Variants in RP1L1 observed in about 807,000 individuals in gnomAD.
RP1L1 encodes RP1 like 1.
RP1L1 carries 27 observed loss-of-function variants against 15.7 expected under a neutral mutation model. The observed-to-expected ratio is 1.72, with a 90% CI of 1.27 to 2.38. The LOEUF is 2.38. Ranked by LOEUF, RP1L1 falls within the 30% of genes most tolerant of loss-of-function variation. The probability of loss-of-function intolerance (pLI) is 0.00; values close to 1 mark genes in which losing one functional copy is unlikely to be tolerated. For synonymous variants in RP1L1, 1,813 were observed against 1,276.7 expected (o/e 1.42, Z -8.96); for missense variants, 4,798 against 3,075.9 (o/e 1.56, Z -13.24).
intron 3 of RP1L1, among the ~76,000 whole-genome samples, chr8:10,613,594 T>C (rs1423200015): frequency 5.4e-5 from 3 of 55,364 alleles, no homozygotes; most frequent in African/African-American, 2.2e-4. Flanking sequence ...TGAGACACCA[T>C]CTCTCCAAAA....
At position 10,610,154 on chromosome 8, in the gene RP1L1, A is replaced by G. The variant is rs759437518; in HGVS notation, c.3944T>C (p.Leu1315Pro). 4.3e-6 allele frequency: 7 copies of G among 1,612,104 alleles called. No individual in the cohort carries two copies. Among genetic ancestry groups the G allele is most frequent in the Non-Finnish European group, 5.1e-6 (6 of 1,179,026 alleles). The change falls in exon 4 of 4, where the codon CTG (leucine) becomes CCG (proline). Residue 1315 changes from leucine to proline, a missense_variant. By Grantham distance (98) the Leu-to-Pro change is moderately conservative (BLOSUM62 -3). Coordinates refer to ENST00000382483, the MANE Select transcript of RP1L1 (RefSeq NM_178857.6). ...CTCTAACTGCACCGCCTCTTCTTGC[A>G]GCCCTTCTCCTTCTGTTCCTTCTTT... ...ETKEGTEGEG[L>P]QEEAVQLEET...
At chr8:10,640,667 AATT>A (rs1214181502) in intron 1 of RP1L1, among the ~76,000 whole-genome samples, 3 of 150,274 alleles carry the variant, frequency 2.0e-5, no homozygotes, top group African/African-American at 4.9e-5. Flanking sequence ...TAATAATAAT[AATT>A]ATTATTATTA....
At position 10,609,555 on chromosome 8, in the gene RP1L1, C is replaced by T. The variant is rs767793400; in HGVS notation, c.4543G>A (p.Asp1515Asn). 2.7e-5 allele frequency: 44 copies of T among 1,603,968 alleles called. No homozygotes were observed. The highest frequency in any genetic ancestry group is 1.7e-4 in the Middle Eastern group (1 of 6,052). The stretch of plus-strand genomic sequence containing the variant: ...AGTAACACGGACACCCAGATGGGGT[C>T]GCAGTCCAGAGCCGCGCTGCAGGCC... The part of the protein sequence containing the change: ...SVACSAALDC[D>N]PIWVSVLLKK... Residue 1515 changes from aspartate to asparagine, a missense_variant, in exon 4 of 4, where the codon GAC (aspartate) becomes AAC (asparagine). By Grantham distance (23) the Asp-to-Asn change is conservative. Coordinates refer to ENST00000382483, the MANE Select transcript of RP1L1 (RefSeq NM_178857.6).
In RP1L1 at chr8:10,609,086, G is replaced by T; in HGVS notation, c.5012C>A (p.Ser1671Tyr). The change falls in exon 4 of 4, where the codon TCC becomes TAC. Residue 1671 changes from serine to tyrosine, a missense_variant. Ser to Tyr is a moderately radical substitution (Grantham distance 144). Transcript: ENST00000382483. The stretch of plus-strand genomic sequence containing the variant: ...GGTTGCCCCCATTGTGGCCTTGGGG[G>T]ACATAGGGCTCACTTTCTTCCTCAC... ...ACVRKKVSPMSPKATMGATRG... is the reference protein window; with the variant it reads ...ACVRKKVSPMYPKATMGATRG... 1.2e-6 allele frequency: 2 copies of T among 1,613,764 alleles called. No homozygotes were observed. The highest frequency in any genetic ancestry group is 1.3e-5 in the African/African-American group (1 of 75,050).
At chr8:10,630,615 G>A (rs923583529) in intron 1 of RP1L1, among the ~76,000 whole-genome samples, 4 of 152,160 alleles carry the variant, frequency 2.6e-5, no homozygotes, top group African/African-American at 7.2e-5. Flanking sequence ...TGCACCTCCC[G>A]GCAGGCAGCC....
intron 1 of RP1L1, among the ~76,000 whole-genome samples, chr8:10,651,114 G>C (rs554274796): frequency 6.6e-4 from 101 of 152,300 alleles, no homozygotes; most frequent in Admixed American, 2.6e-3. Flanking sequence ...GCTCAGAAGG[G>C]GCAACTGACT....
At chr8:10,634,100 A>G (rs1277736911) in intron 1 of RP1L1, among the ~76,000 whole-genome samples, 1 of 152,166 alleles carries the variant, frequency 6.6e-6, no homozygotes, top group Admixed American at 6.5e-5. Context: ...GGACCATACC[A>G]CAGCGGTCTG....
At position 10,606,802 on chromosome 8, in the gene RP1L1, C is replaced by T. The variant is rs1213688774; in HGVS notation, c.*93G>A. On this transcript the variant is annotated 3_prime_UTR_variant, in exon 4 of 4. Transcript: ENST00000382483. Reference sequence around the variant, plus strand: ...GTCTTTGTCCATGTACTATGGACATCTCCAGTGGACTGAACGTTGCTCAGT... The same window carrying T: ...GTCTTTGTCCATGTACTATGGACATTTCCAGTGGACTGAACGTTGCTCAGT... 5 of 1,591,820 alleles carry T rather than the reference C, an allele frequency of 3.1e-6. No individual in the cohort carries two copies. The Admixed American group carries it at 8.6e-5, about 27-fold the overall frequency.
At position 10,609,263 on chromosome 8, in the gene RP1L1, C is replaced by A. The variant is rs374426762; in HGVS notation, c.4835G>T (p.Gly1612Val). Residue 1612 changes from glycine to valine, a missense_variant, in exon 4 of 4, where the codon GGC (glycine) becomes GTC (valine). Gly to Val is a moderately radical substitution (Grantham distance 109). Transcript: ENST00000382483. ...AGAGAAGGCCGAGAGGTTTCGCAGG[C>A]CCCGGAGACGGTGTCTGCGCTGCTG... Reference protein sequence around the residue: ...QTQQRRHRLRGLRNLSAFSER... With the variant: ...QTQQRRHRLRVLRNLSAFSER... The A allele has an allele frequency of 1.3e-5, 21 of 1,608,970 alleles. No homozygotes were observed. The highest frequency in any genetic ancestry group is 1.7e-5 in the Admixed American group (1 of 59,908).
chr8:10,631,642 C>T (rs1056212725), intron 1 of RP1L1, among the ~76,000 whole-genome samples: 2 of 152,196 alleles, frequency 1.3e-5, no homozygotes, highest in Non-Finnish European at 2.9e-5. Flanking sequence ...TTGTCCCTGT[C>T]CCCCCTCCTC....
intron 1 of RP1L1, among the ~76,000 whole-genome samples, chr8:10,648,416 C>G (rs1032215566): frequency 6.6e-6 from 1 of 151,824 alleles, no homozygotes; most frequent in African/African-American, 2.4e-5. Flanking sequence ...GTTTAGATTC[C>G]CAGCGTCCCC....
chr8:10,648,359 T>C (rs557849379), intron 1 of RP1L1, among the ~76,000 whole-genome samples: 20 of 152,194 alleles, frequency 1.3e-4, no homozygotes, highest in Non-Finnish European at 2.6e-4. Context: ...TGTTTGTTTG[T>C]TTGTTTTTTT....
chr8:10,617,589 A>C (rs192786751), intron 2 of RP1L1, among the ~76,000 whole-genome samples: 4,075 of 106,964 alleles, frequency 0.038, 66 homozygotes, highest in Middle Eastern at 0.18. Context: ...CGGAGTCTCG[A>C]TCTGTCACCC....
intron 1 of RP1L1, among the ~76,000 whole-genome samples, chr8:10,642,408 G>A (rs959213594): frequency 6.6e-6 from 1 of 152,176 alleles, no homozygotes; most frequent in African/African-American, 2.4e-5. Flanking sequence ...TTGAAAGGTT[G>A]CTAAAACCCT....
chr8:10,654,841 T>G (rs1027636565), intron 1 of RP1L1, 57 bp downstream of exon 1: 1 of 152,718 alleles, frequency 6.5e-6, no homozygotes, highest in Non-Finnish European at 1.5e-5. Context: ...GAGCCAAGAC[T>G]CTCTGCCCCT....
rs1798078707 is a variant in RP1L1 at position 10,622,610 on chromosome 8, T to C, written c.592A>G (p.Thr198Ala). The C allele has an allele frequency of 2.5e-6, 4 of 1,614,218 alleles. No individual in the cohort carries two copies. Among genetic ancestry groups the C allele is most frequent in the South Asian group, 1.1e-5 (1 of 91,080 alleles). ...LLRFPVKQLYTTSGKKVDSLQ... is the reference protein window; with the variant it reads ...LLRFPVKQLYATSGKKVDSLQ... Reference sequence around the variant, plus strand: ...CAGCCTACCTTTTTCCCGCTGGTCGTGTACAACTGCTTCACAGGAAAGCGC... The same window carrying C: ...CAGCCTACCTTTTTCCCGCTGGTCGCGTACAACTGCTTCACAGGAAAGCGC... Residue 198 changes from threonine (T) to alanine (A), a missense_variant, in exon 2 of 4, where the codon ACG becomes GCG. By Grantham distance (58) the Thr-to-Ala change is moderately conservative. Transcript: ENST00000382483.
chr8:10,614,785 G>A (rs1375947308), intron 3 of RP1L1, among the ~76,000 whole-genome samples: 2 of 151,866 alleles, frequency 1.3e-5, no homozygotes, highest in Non-Finnish European at 2.9e-5. Flanking sequence ...TCTCCTGGGG[G>A]GAGGGGGAAG....
intron 1 of RP1L1, among the ~76,000 whole-genome samples, chr8:10,640,832 G>T (rs542423566): frequency 2.0e-5 from 3 of 152,080 alleles, no homozygotes; most frequent in Non-Finnish European, 4.4e-5. Flanking sequence ...GTACAATGGC[G>T]TAAACACAGC....
At position 10,643,038 on chromosome 8, in the gene RP1L1, G is replaced by A. The variant is rs189336716; in HGVS notation, c.-20+11860C>T. On this transcript the variant is annotated intron_variant, in intron 1 of 3. Coordinates refer to ENST00000382483, the MANE Select transcript of RP1L1 (RefSeq NM_178857.6). ...TAGGAAGGTTTCAGTAAAGATTTGGGTTAAAAAATTTTTTCAGGCAGGGCA... is the reference window on the plus strand; with the variant it reads ...TAGGAAGGTTTCAGTAAAGATTTGGATTAAAAAATTTTTTCAGGCAGGGCA... Among the ~76,000 whole-genome samples the A allele has an allele frequency of 5.0e-3, 757 of 152,212 alleles. 6 individuals are homozygous for A. The highest frequency in any genetic ancestry group is 0.013 in the South Asian group (62 of 4,812).
Sources: allele counts gnomAD v4.1 joint callset (sites outside exome capture counted in the v4.1 genomes callset), GRCh38; gene constraint gnomAD v4.1.1; transcripts MANE v1.5; gene names NCBI Gene and HGNC (gene_info 2026-07-23, HGNC 2026-07-21).